POMP: variants seen among roughly 807,000 people sequenced by gnomAD.
POMP encodes 2510048O06Rik.
Under a neutral mutation model 20.6 loss-of-function variants are expected in POMP, and 12 were observed. The ratio of observed to expected loss-of-function variants is 0.58; its 90% confidence interval spans 0.37 to 0.94. The LOEUF is 0.94. POMP is among the 40% of genes least tolerant of loss of function. POMP has a pLI of 0.01. For missense variants in POMP, 136 were observed against 161.1 expected (o/e 0.84, Z 0.84); for synonymous variants, 53 against 55.0 (o/e 0.96, Z 0.16).
intron 3 of POMP, among the ~76,000 whole-genome samples, chr13:28,667,282 C>T (rs1184802692): frequency 6.6e-6 from 1 of 152,034 alleles, no homozygotes; most frequent in Non-Finnish European, 1.5e-5. Context: ...GTCCCAGCGG[C>T]GTGGGAGGCT....
chr13:28,660,166 A>T (rs773608112), intron 1 of POMP, among the ~76,000 whole-genome samples: 2 of 152,254 alleles, frequency 1.3e-5, no homozygotes, highest in Non-Finnish European at 2.9e-5. Context: ...AAGGAGGAGA[A>T]TGTTCATATA....
At chr13:28,666,899 C>T (rs1267857601) in intron 3 of POMP, among the ~76,000 whole-genome samples, 7 of 152,006 alleles carry the variant, frequency 4.6e-5, no homozygotes, top group East Asian at 1.9e-4. Flanking sequence ...ACAAGTGGTG[C>T]GGTGGGGGAT....
rs993190902 is a variant in POMP, at chr13:28,659,151, C to T, written c.-34C>T. ...GAGCGGCGGGGTCGACTGACGGTAA[C>T]GGGGCAGAGAGGCTGTTCGCAGAGC... On this transcript the variant is annotated 5_prime_UTR_variant, in exon 1 of 6. It adds an upstream start codon to the 5' untranslated region. Coordinates refer to ENST00000380842, the MANE Select transcript of POMP (RefSeq NM_015932.6). 6 of 1,578,300 alleles carry T rather than the reference C, an allele frequency of 3.8e-6. No individual in the cohort carries two copies. Among genetic ancestry groups the T allele is most frequent in the Middle Eastern group, 1.7e-4 (1 of 5,996 alleles).
At chr13:28,670,801 C>T (rs1884533175) in intron 4 of POMP, among the ~76,000 whole-genome samples, 1 of 152,174 alleles carries the variant, frequency 6.6e-6, no homozygotes, top group African/African-American at 2.4e-5. Context: ...AATCCCAGCA[C>T]TTTGGGAGGC....
rs141594622 is a variant in POMP at position 28,668,252 on chromosome 13, A to T, written c.163-221A>T. Among the ~76,000 whole-genome samples the T allele has an allele frequency of 2.0e-3, 307 of 152,342 alleles. 2 individuals are homozygous for T. Among genetic ancestry groups the T allele is most frequent in the African/African-American group, 7.1e-3 (296 of 41,582 alleles). The stretch of plus-strand genomic sequence containing the variant: ...ACTTTTATAAATTTGGAATTTTGGT[A>T]GTAATTTTACTCTGGTAAAAGTACA... On this transcript the variant is annotated intron_variant, in intron 3 of 5. Coordinates refer to ENST00000380842, the MANE Select transcript of POMP (RefSeq NM_015932.6).
At position 28,668,477 on chromosome 13, in the gene POMP, A is replaced by C. The variant is rs748353680; in HGVS notation, c.167A>C (p.Gln56Pro). Reference protein sequence around the residue: ...HPLELSEKNFQLNQDKMNFST... With the variant: ...HPLELSEKNFPLNQDKMNFST... ...AAATTACATTGTCTTTTGTAGTTCC[A>C]GCTCAACCAAGATAAAATGAATTTT... Residue 56 changes from glutamine (Q) to proline (P), a missense_variant, in exon 4 of 6, where the codon CAG (glutamine) becomes CCG (proline). Gln to Pro is a moderately conservative substitution (Grantham distance 76, BLOSUM62 -1). Transcript: ENST00000380842. 6 of 1,602,034 alleles carry C rather than the reference A, an allele frequency of 3.7e-6. No homozygotes were observed. Among genetic ancestry groups the C allele is most frequent in the Non-Finnish European group, 5.1e-6 (6 of 1,169,196 alleles).
At chr13:28,659,583 TCA>T (rs932230762) in intron 1 of POMP, among the ~76,000 whole-genome samples, 3 of 152,118 alleles carry the variant, frequency 2.0e-5, no homozygotes, top group African/African-American at 7.2e-5. Context: ...CCCAGAGCTC[TCA>T]GACTCCTCAT....
chr13:28,670,340 G>A (rs1884525593), intron 4 of POMP, among the ~76,000 whole-genome samples: 1 of 152,054 alleles, frequency 6.6e-6, no homozygotes, highest in African/African-American at 2.4e-5. Context: ...ATGTCACCTA[G>A]CACCCATCCT....
rs1416681826 is a variant in POMP, at chr13:28,678,932, T to G, written c.*830T>G. On this transcript the variant is annotated 3_prime_UTR_variant, in exon 6 of 6. Transcript: ENST00000380842. The stretch of plus-strand genomic sequence containing the variant: ...ATTATCAGTTTCTTAGGAACATCTT[T>G]GATTAGATAAATTACTGATTTGAAA... 2 of 152,244 alleles carry G rather than the reference T, an allele frequency of 1.3e-5. No individual in the cohort carries two copies. The highest frequency in any genetic ancestry group is 2.9e-5 in the Non-Finnish European group (2 of 68,042). 9.4% of individuals were successfully genotyped at this position (152,244 alleles called of 1,614,324 possible).
At chr13:28,667,340 A>C (rs1334163821) in intron 3 of POMP, among the ~76,000 whole-genome samples, 1 of 152,192 alleles carries the variant, frequency 6.6e-6, no homozygotes, top group African/African-American at 2.4e-5. Flanking sequence ...GTAGTGCTCT[A>C]TAATCGTGCC....
chr13:28,670,155 G>A (rs1219066953), intron 4 of POMP, among the ~76,000 whole-genome samples: 1 of 152,180 alleles, frequency 6.6e-6, no homozygotes, highest in East Asian at 1.9e-4. Context: ...ATTCTCATGA[G>A]CTATAAACCT....
intron 5 of POMP, among the ~76,000 whole-genome samples, chr13:28,675,097 G>A (rs1305177854): frequency 6.6e-6 from 1 of 151,922 alleles, no homozygotes; most frequent in Non-Finnish European, 1.5e-5. Context: ...TTCATTCCTT[G>A]TGTCTCTCTA....
At chr13:28,672,110 A>G in intron 4 of POMP, among the ~76,000 whole-genome samples, 1 of 152,254 alleles carries the variant, frequency 6.6e-6, no homozygotes, top group East Asian at 1.9e-4. Context: ...CTCAAAATAC[A>G]TGCACACCAG....
intron 1 of POMP, among the ~76,000 whole-genome samples, chr13:28,660,290 ACAGT>A (rs1884310814): frequency 6.6e-6 from 1 of 152,208 alleles, no homozygotes; most frequent in African/African-American, 2.4e-5. Flanking sequence ...AAATCCATAC[ACAGT>A]CAGTAGAGGC....
rs1365582990 is a variant in POMP, at chr13:28,678,039, A to G, written c.363A>G (p.Pro121=). 1 of 1,613,982 alleles carries G rather than the reference A, an allele frequency of 6.2e-7. No homozygotes were observed. Among genetic ancestry groups the G allele is most frequent in the East Asian group, 2.2e-5 (1 of 44,872 alleles). ...TIGFEDILND[P]SQSEVMGEPH... is the part of the protein sequence containing the mutation. ...TTTGTTTTTGTTTGCTTTCAGATCC[A>G]TCACAAAGCGAAGTCATGGGAGAGC... is the stretch of plus-strand genomic sequence containing the variant. The change falls in exon 6 of 6, where the codon CCA becomes CCG. Residue 121 remains proline (P), a synonymous_variant. Transcript: ENST00000380842.
chr13:28,674,668 A>G (rs1884600087), intron 5 of POMP, among the ~76,000 whole-genome samples: 1 of 152,096 alleles, frequency 6.6e-6, no homozygotes, highest in Admixed American at 6.5e-5. Flanking sequence ...GAAGTTTAGA[A>G]TTTCTTCAGA....
At chr13:28,665,048 G>A (rs183226066) in intron 3 of POMP, among the ~76,000 whole-genome samples, 1 of 152,206 alleles carries the variant, frequency 6.6e-6, no homozygotes, top group Non-Finnish European at 1.5e-5. Flanking sequence ...GTAGGAGAAG[G>A]CTTCGTAAAA....
chr13:28,661,347 T>C lies in POMP; in HGVS notation c.4-1063T>C, dbSNP rs1373293839. On this transcript the variant is annotated intron_variant, in intron 1 of 5. Transcript: ENST00000380842. The stretch of plus-strand genomic sequence containing the variant: ...CAGGCGTGATGTTGCACGCCTGTAG[T>C]CCCAGCTACTTGAGAGGCTGAGGCA... Among the ~76,000 whole-genome samples, 6 of 152,080 alleles carry C rather than the reference T, an allele frequency of 3.9e-5. No individual in the cohort carries two copies. The South Asian group carries it at 8.3e-4, about 21-fold the overall frequency.
intron 5 of POMP, 44 bp from the exon 6 acceptor site, chr13:28,677,990 CT>C: frequency 6.4e-7 from 1 of 1,574,612 alleles, no homozygotes; most frequent in Non-Finnish European, 8.7e-7. Context: ...GAATGTATCT[CT>C]TTTTTGAGAG....
Sources: allele counts gnomAD v4.1 joint callset (sites outside exome capture counted in the v4.1 genomes callset), GRCh38; gene constraint gnomAD v4.1.1; transcripts MANE v1.5; gene names NCBI Gene and HGNC (gene_info 2026-07-23, HGNC 2026-07-21).